NEK10: variants seen among roughly 807,000 people sequenced by gnomAD.
NEK10 encodes the protein NIMA related kinase 10, also known as serine/threonine-protein kinase Nek10.
Under a neutral mutation model 159.8 loss-of-function variants are expected in NEK10, and 122 were observed. The ratio of observed to expected loss-of-function variants is 0.76; its 90% CI spans 0.66 to 0.89. The LOEUF is 0.89. NEK10 is among the 40% of genes least tolerant of loss of function. The probability of loss-of-function intolerance (pLI) is 0.00; values close to 1 mark genes in which losing one functional copy is unlikely to be tolerated. For synonymous variants in NEK10, 466 were observed against 457.1 expected, an observed-to-expected ratio of 1.02 and a Z score of -0.25; for missense variants, 1,342 against 1,323.1, an observed-to-expected ratio of 1.01 and a Z score of -0.22.
At chr3:27,235,143 A>G (rs9845628) in intron 23 of NEK10, among the ~76,000 whole-genome samples, 1,877 of 152,236 alleles carry the variant, frequency 0.012, 20 homozygotes, top group African/African-American at 0.026. Flanking sequence ...TAAATCTAAA[A>G]CCCAAAACTA....
In NEK10 at chr3:27,124,743, G is replaced by A; in HGVS notation, c.3082-4875C>T. Among the ~76,000 whole-genome samples, 2 of 152,206 alleles carry A rather than the reference G, an allele frequency of 1.3e-5. 1 individual carries two copies. The highest frequency in any genetic ancestry group is 4.1e-4 in the South Asian group (2 of 4,830). ...TTTCAAGGAAACTGATGTGGACACAGGAAGGGAGGAGAAGGTGGTGAGTCT... is the reference window on the plus strand; with the variant it reads ...TTTCAAGGAAACTGATGTGGACACAAGAAGGGAGGAGAAGGTGGTGAGTCT... On this transcript the variant is annotated intron_variant, in intron 32 of 35. Coordinates refer to ENST00000691995, the MANE Select transcript of NEK10 (RefSeq NM_001394966.1).
intron 1 of NEK10, among the ~76,000 whole-genome samples, chr3:27,358,881 A>G (rs2048491877): frequency 6.6e-6 from 1 of 152,194 alleles, no homozygotes; most frequent in Admixed American, 6.5e-5. Context: ...TATTTACTAC[A>G]TTTACTAATG....
chr3:27,173,482 A>C (rs1249418469), intron 28 of NEK10, among the ~76,000 whole-genome samples: 1 of 152,220 alleles, frequency 6.6e-6, no homozygotes, highest in Non-Finnish European at 1.5e-5. Context: ...GAAGGCAGGG[A>C]TCTACGGAGA....
At chr3:27,128,084 T>C (rs908126535) in intron 32 of NEK10, among the ~76,000 whole-genome samples, 4 of 152,198 alleles carry the variant, frequency 2.6e-5, no homozygotes, top group African/African-American at 4.8e-5. Context: ...AAGGATCAGA[T>C]AGTAAATATT....
rs148918571 is a variant in NEK10 at position 27,143,584 on chromosome 3, C to T, written c.2870-2002G>A. The T allele has an allele frequency of 9.6e-4, 552 of 572,230 alleles. 6 individuals carry two copies. In the African/African-American group the frequency reaches 9.9e-3, roughly 10 times the overall value. The allele number at this position is 572,230 out of a possible 1,614,324, so 35.4% of individuals were successfully genotyped here. On this transcript the variant is annotated intron_variant, in intron 30 of 35. Transcript: ENST00000691995. Reference sequence around the variant, plus strand: ...TTATTGAGACCCTTTGACCACTACCCTCACAATCCCAACACATCCTTGACT... The same window carrying T: ...TTATTGAGACCCTTTGACCACTACCTTCACAATCCCAACACATCCTTGACT...
intron 23 of NEK10, among the ~76,000 whole-genome samples, chr3:27,250,250 G>A (rs1220572176): frequency 2.0e-5 from 3 of 151,030 alleles, no homozygotes; most frequent in African/African-American, 4.9e-5. Context: ...GCAGTAGCAC[G>A]ATCTCCACTC....
intron 20 of NEK10, among the ~76,000 whole-genome samples, chr3:27,286,856 C>G (rs1045423284): frequency 1.3e-5 from 2 of 151,902 alleles, no homozygotes; most frequent in African/African-American, 2.4e-5. Flanking sequence ...GAACAAATGG[C>G]TAAGGGGACA....
chr3:27,255,390 G>T (rs1450072537), intron 23 of NEK10: 2 of 256,436 alleles, frequency 7.8e-6, no homozygotes, highest in Admixed American at 4.9e-5. Flanking sequence ...ACTTCTGCAT[G>T]AAAGGACTTT....
intron 26 of NEK10, among the ~76,000 whole-genome samples, chr3:27,190,617 GC>G (rs575532754): frequency 1.8e-3 from 273 of 152,224 alleles, no homozygotes; most frequent in Admixed American, 0.016. Context: ...CCCCAAATCA[GC>G]CACATGAATC....
intron 11 of NEK10, among the ~76,000 whole-genome samples, chr3:27,305,200 C>T (rs2044141115): frequency 6.6e-6 from 1 of 152,194 alleles, no homozygotes; most frequent in Non-Finnish European, 1.5e-5. Context: ...AGCATGAAAG[C>T]AGCCATAGAC....
intron 32 of NEK10, 128 bp from the exon 33 acceptor site, chr3:27,119,996 C>T: frequency 1.5e-6 from 1 of 647,614 alleles, no homozygotes; most frequent in Non-Finnish European, 2.8e-6. Flanking sequence ...GGTTTTCAAT[C>T]CCTTGTAAAT....
intron 31 of NEK10, among the ~76,000 whole-genome samples, chr3:27,133,613 A>G (rs1160263563): frequency 6.6e-6 from 1 of 152,112 alleles, no homozygotes; most frequent in African/African-American, 2.4e-5. Context: ...CATCTCTACT[A>G]AAAATACAAA....
rs750410560 is a variant in NEK10, at chr3:27,311,016, T to C, written c.569A>G (p.Tyr190Cys). The C allele has an allele frequency of 5.0e-6, 8 of 1,603,460 alleles. No homozygotes were observed. Among genetic ancestry groups the C allele is most frequent in the Non-Finnish European group, 6.0e-6 (7 of 1,170,912 alleles). The change falls in exon 9 of 36, where the codon TAT (tyrosine) becomes TGT (cysteine). Residue 190 changes from tyrosine to cysteine, a missense_variant and splice_region_variant. Physicochemically the swap from Tyr to Cys is radical, Grantham distance 194 (BLOSUM62 -2). Transcript: ENST00000691995. ...GACTGCAGCAAGTTTTTGAAAAATA[T>C]CTATAAAGGAAAGAAAGAGCGCAAA... is the stretch of plus-strand genomic sequence containing the variant. ...HTVDKLVNMT[Y>C]IFQKLAAVKD...
rs977146288 is a variant in NEK10, at chr3:27,110,280, C to T, written c.*992G>A. The T allele has an allele frequency of 2.0e-5, 3 of 152,088 alleles. No individual in the cohort carries two copies. The highest frequency in any genetic ancestry group is 7.2e-5 in the African/African-American group (3 of 41,420). The allele number at this position is 152,088 out of a possible 1,614,324, so 9.4% of individuals were successfully genotyped here. ...TCTAGCAGATTTTCATCATAATTCTCCCGGCATAAAGGATGATACACAGTT... is the reference window on the plus strand; with the variant it reads ...TCTAGCAGATTTTCATCATAATTCTTCCGGCATAAAGGATGATACACAGTT... On this transcript the variant is annotated 3_prime_UTR_variant, in exon 36 of 36. Transcript: ENST00000691995.
intron 5 of NEK10, among the ~76,000 whole-genome samples, chr3:27,333,546 C>CAA (rs141145764): frequency 1.1e-4 from 12 of 106,056 alleles, no homozygotes; most frequent in East Asian, 2.9e-4. Context: ...AACTCCGTCT[C>CAA]AAAAAAAAAA....
At chr3:27,169,012 G>C (rs913570139) in intron 29 of NEK10, among the ~76,000 whole-genome samples, 4 of 152,104 alleles carry the variant, frequency 2.6e-5, no homozygotes, top group Non-Finnish European at 5.9e-5. Context: ...AGACCATATG[G>C]GGTTTTTGTT....
intron 3 of NEK10, among the ~76,000 whole-genome samples, chr3:27,349,318 T>C (rs2047796359): frequency 6.6e-6 from 1 of 152,154 alleles, no homozygotes; most frequent in Admixed American, 6.5e-5. Flanking sequence ...TCACCTAGAA[T>C]GCCCTTTCTA....
At chr3:27,359,067 T>C (rs1309204921) in intron 1 of NEK10, among the ~76,000 whole-genome samples, 1 of 151,952 alleles carries the variant, frequency 6.6e-6, no homozygotes, top group Non-Finnish European at 1.5e-5. Flanking sequence ...CCAGGTGTGG[T>C]GGTGCATGCC....
At chr3:27,349,370 A>T (rs1033787235) in intron 3 of NEK10, among the ~76,000 whole-genome samples, 5 of 151,688 alleles carry the variant, frequency 3.3e-5, no homozygotes, top group Middle Eastern at 3.2e-3. Context: ...TTTAAGAACC[A>T]CCTCCTTCCC....
Sources: gnomAD v4.1 joint callset for allele counts (sites outside exome capture counted in the v4.1 genomes callset) on GRCh38, gnomAD v4.1.1 for gene constraint, MANE v1.5 for transcripts, NCBI Gene and HGNC (gene_info 2026-07-23, HGNC 2026-07-21) for gene names.